Variants in FBLN1 observed in about 807,000 individuals in gnomAD.
FBLN1 encodes the protein fibulin-1.
FBLN1 carries 34 observed loss-of-function variants against 89.7 expected under a neutral mutation model. The observed-to-expected ratio is 0.38, with a 90% CI of 0.29 to 0.50. The LOEUF (loss-of-function observed/expected upper bound fraction) is 0.50, where lower values mean the gene tolerates loss of function less well. Among genes scored for constraint, FBLN1 ranks in the 20% least tolerant of loss-of-function variants. FBLN1 has a pLI of 0.92. For missense variants in FBLN1, 777 were observed against 988.1 expected (o/e 0.79, Z 2.86); for synonymous variants, 393 against 391.3 (o/e 1.00, Z -0.05).
chr22:45,550,062 A>C lies in FBLN1; in HGVS notation c.1574-430A>C, dbSNP rs1341765632. 1.3e-5 allele frequency among the ~76,000 whole-genome samples: 2 copies of C among 152,166 alleles called. No individual in the cohort carries two copies. The highest frequency in any genetic ancestry group is 2.4e-5 in the African/African-American group (1 of 41,426). On this transcript the variant is annotated intron_variant, in intron 13 of 16. Coordinates refer to ENST00000327858, the MANE Select transcript of FBLN1 (RefSeq NM_006486.3). The surrounding 1 kb of genome is among the most constrained non-coding windows in gnomAD (Gnocchi z 8.4). ...TAGTTAGTGTATGGACTCTGATGCC[A>C]GCCTGCCCGGGTTCAAAGCTCAGCT...
intron 14 of FBLN1, among the ~76,000 whole-genome samples, chr22:45,559,903 C>A (rs1284732939): frequency 6.6e-6 from 1 of 152,216 alleles, no homozygotes; most frequent in African/African-American, 2.4e-5. Flanking sequence ...GCCTCCCCTT[C>A]ATTCAAGGGG....
chr22:45,577,149 C>T lies in FBLN1; in HGVS notation c.1972+41C>T, dbSNP rs1375105020. ...TATCAGCTCTATCCAGGCACCCCTC[C>T]CCCTCCACCCCGAAACCCTCTCTGG... On this transcript the variant is annotated intron_variant, in intron 16 of 16. Coordinates refer to ENST00000327858, the MANE Select transcript of FBLN1 (RefSeq NM_006486.3). This position sits in a 1 kb window ranked among gnomAD's most constrained non-coding sequence, Gnocchi z 6.6. 6.2e-7 allele frequency: 1 copy of T among 1,610,372 alleles called. No individual in the cohort carries two copies. The highest frequency in any genetic ancestry group is 1.1e-5 in the South Asian group (1 of 90,974).
At position 45,583,974 on chromosome 22, in the gene FBLN1, A is replaced by G. The variant is rs2089063766; in HGVS notation, c.1972+6866A>G. Reference sequence around the variant, plus strand: ...GGTCACTTCTGCATAGGCCTGCACTATCGATGTAGGTGTGAGGGTCTTTGG... The same window carrying G: ...GGTCACTTCTGCATAGGCCTGCACTGTCGATGTAGGTGTGAGGGTCTTTGG... On this transcript the variant is annotated intron_variant, in intron 16 of 16. Transcript: ENST00000327858. This position sits in a 1 kb window ranked among gnomAD's most constrained non-coding sequence, Gnocchi z 4.5. Among the ~76,000 whole-genome samples, 1 of 152,112 alleles carries G rather than the reference A, an allele frequency of 6.6e-6. No individual in the cohort carries two copies. Among genetic ancestry groups the G allele is most frequent in the Non-Finnish European group, 1.5e-5 (1 of 68,020 alleles).
intron 16 of FBLN1, among the ~76,000 whole-genome samples, chr22:45,591,714 C>G (rs2089137811): frequency 6.6e-6 from 1 of 152,204 alleles, no homozygotes; most frequent in Admixed American, 6.5e-5. Flanking sequence ...GCGATTCTCT[C>G]TAATTGCTTT....
At chr22:45,506,386 T>G (rs535590799) in intron 1 of FBLN1, among the ~76,000 whole-genome samples, 1 of 152,354 alleles carries the variant, frequency 6.6e-6, no homozygotes, top group South Asian at 2.1e-4. Flanking sequence ...CATTCAGTCA[T>G]TCATTCACTA....
In FBLN1 at chr22:45,555,248, C is replaced by CATATATATATATATATATATATATAT. The variant is rs71779159; in HGVS notation, c.1697+4650_1697+4651insTATATATATATATATATATATATATA. The stretch of plus-strand genomic sequence containing the variant: ...AGAGGGACAGAACTAATGGAATATA[C>CATATATATATATATATATATATATAT]ATATATATATATATATAAAATGGAA... On this transcript the variant is annotated intron_variant, in intron 14 of 16. Coordinates refer to ENST00000327858, the MANE Select transcript of FBLN1 (RefSeq NM_006486.3). Among the ~76,000 whole-genome samples, 279 of 134,994 alleles carry CATATATATATATATATATATATATAT rather than the reference C, an allele frequency of 2.1e-3. 2 individuals carry two copies. The highest frequency in any genetic ancestry group is 3.0e-3 in the Non-Finnish European group (200 of 65,684). 88.6% of individuals were successfully genotyped at this position (134,994 alleles called of 152,430 possible).
Position 45,575,913 on chromosome 22 carries a change from G to A in FBLN1, c.1841-1064G>A, listed in dbSNP as rs942413369. ...ATGAGTTCATTCAGCAGCCGTGGACGGAGCCCCTCTGTGTCAGGCTCTAGG... is the reference window on the plus strand; with the variant it reads ...ATGAGTTCATTCAGCAGCCGTGGACAGAGCCCCTCTGTGTCAGGCTCTAGG... On this transcript the variant is annotated intron_variant, in intron 15 of 16. Transcript: ENST00000327858. The surrounding 1 kb of genome is among the most constrained non-coding windows in gnomAD (Gnocchi z 6.3). Among the ~76,000 whole-genome samples the A allele has an allele frequency of 6.6e-6, 1 of 152,172 alleles. No individual in the cohort carries two copies. Among genetic ancestry groups the A allele is most frequent in the Non-Finnish European group, 1.5e-5 (1 of 68,014 alleles).
At chr22:45,554,313 G>C (rs1169856396) in intron 14 of FBLN1, among the ~76,000 whole-genome samples, 1 of 152,180 alleles carries the variant, frequency 6.6e-6, no homozygotes, top group Non-Finnish European at 1.5e-5. Context: ...CTCCTCAGAG[G>C]CCCCCCTGGG....
intron 1 of FBLN1, among the ~76,000 whole-genome samples, chr22:45,514,934 C>G (rs1295655224): frequency 1.3e-5 from 2 of 152,220 alleles, no homozygotes; most frequent in Non-Finnish European, 2.9e-5. Flanking sequence ...CCAGTGTCCA[C>G]TGAGCCCTGT....
chr22:45,565,247 G>T (rs1022276840), intron 14 of FBLN1: 8 of 1,398,828 alleles, frequency 5.7e-6, no homozygotes, highest in Non-Finnish European at 5.7e-6. Context: ...TTCCATGGTT[G>T]TCTTTTCCCA....
rs566052021 is a variant in FBLN1, at chr22:45,577,344, A to T, written c.1972+236A>T. ...AGCTGTGCCACCCACTCTCTGGGTG[A>T]CCCCTCTGGGTCTCGGTCTCCCTGC... On this transcript the variant is annotated intron_variant, in intron 16 of 16. Coordinates refer to ENST00000327858, the MANE Select transcript of FBLN1 (RefSeq NM_006486.3). The surrounding 1 kb of genome is among the most constrained non-coding windows in gnomAD (Gnocchi z 6.6). 6.6e-6 allele frequency among the ~76,000 whole-genome samples: 1 copy of T among 152,064 alleles called. No homozygotes were observed. Among genetic ancestry groups the T allele is most frequent in the South Asian group, 2.1e-4 (1 of 4,796 alleles).
rs2089103484 is a variant in FBLN1, at chr22:45,588,032, CCT to C, written c.1972+10930_1972+10931del. Among the ~76,000 whole-genome samples the C allele has an allele frequency of 6.6e-6, 1 of 152,226 alleles. No individual in the cohort carries two copies. Among genetic ancestry groups the C allele is most frequent in the South Asian group, 2.1e-4 (1 of 4,830 alleles). ...GCAGTGACTAAGGCAGACATGAACG[CCT>C]CTCTCATACACTTTTTATCCCAGAG... On this transcript the variant is annotated intron_variant, in intron 16 of 16. Transcript: ENST00000327858. The surrounding 1 kb of genome is among the most constrained non-coding windows in gnomAD (Gnocchi z 5.1).
intron 14 of FBLN1, among the ~76,000 whole-genome samples, chr22:45,568,058 A>G (rs2088913890): frequency 6.6e-6 from 1 of 152,200 alleles, no homozygotes; most frequent in Non-Finnish European, 1.5e-5. Flanking sequence ...ACTGCTGGAA[A>G]TGGAACAGAA....
chr22:45,563,952 A>G lies in FBLN1; in HGVS notation c.1698-10559A>G, dbSNP rs2147014247. Among the ~76,000 whole-genome samples, 1 of 152,292 alleles carries G rather than the reference A, an allele frequency of 6.6e-6. No individual in the cohort carries two copies. The highest frequency in any genetic ancestry group is 3.4e-3 in the Middle Eastern group (1 of 294). ...GCCTCAGTGAAGTCGTTTTGCCCCC[A>G]CTGAGGATCCTGGCCCTGTGCCGGG... On this transcript the variant is annotated intron_variant, in intron 14 of 16. Coordinates refer to ENST00000327858, the MANE Select transcript of FBLN1 (RefSeq NM_006486.3). This position sits in a 1 kb window ranked among gnomAD's most constrained non-coding sequence, Gnocchi z 5.7.
In FBLN1 at chr22:45,532,697, G is replaced by T. The variant is rs2146968256; in HGVS notation, c.545-366G>T. 3.3e-5 allele frequency among the ~76,000 whole-genome samples: 5 copies of T among 152,212 alleles called. 1 individual carries two copies. The highest frequency in any genetic ancestry group is 3.3e-4 in the Admixed American group (5 of 15,306). ...AGCTCGAGAGTTCAGTGAGGAGCAG[G>T]TACATGAGGCCTAGTTGGGGCCTGG... On this transcript the variant is annotated intron_variant, in intron 5 of 16. Coordinates refer to ENST00000327858, the MANE Select transcript of FBLN1 (RefSeq NM_006486.3). This position sits in a 1 kb window ranked among gnomAD's most constrained non-coding sequence, Gnocchi z 4.2.
chr22:45,523,515 C>T (rs188328453), intron 2 of FBLN1, among the ~76,000 whole-genome samples: 2 of 152,276 alleles, frequency 1.3e-5, no homozygotes, highest in Admixed American at 6.5e-5. Context: ...CCATCCTGGC[C>T]AACATGGCAA....
chr22:45,543,624 T>C, intron 11 of FBLN1, 98 bp downstream of exon 11: 1 of 1,460,270 alleles, frequency 6.8e-7, no homozygotes, highest in Non-Finnish European at 9.3e-7. Context: ...CCGCGATGGT[T>C]TCCCTGTTAA....
chr22:45,508,047 C>G (rs1026161813), intron 1 of FBLN1, among the ~76,000 whole-genome samples: 3 of 152,114 alleles, frequency 2.0e-5, no homozygotes, highest in African/African-American at 7.2e-5. Flanking sequence ...GACTCGAGCA[C>G]CTTCCTGCCC....
Position 45,590,907 on chromosome 22 carries a change from A to G in FBLN1, c.1973-9400A>G, listed in dbSNP as rs952813501. On this transcript the variant is annotated intron_variant, in intron 16 of 16. Transcript: ENST00000327858. This position sits in a 1 kb window ranked among gnomAD's most constrained non-coding sequence, Gnocchi z 4.1. Reference sequence around the variant, plus strand: ...TCCATCTGGGAGGGGCGTCTGGAGAAATTGGAGTGGACTCCGAGTTTGGGT... The same window carrying G: ...TCCATCTGGGAGGGGCGTCTGGAGAGATTGGAGTGGACTCCGAGTTTGGGT... Among the ~76,000 whole-genome samples the G allele has an allele frequency of 6.6e-6, 1 of 151,904 alleles. No homozygotes were observed. The highest frequency in any genetic ancestry group is 2.4e-5 in the African/African-American group (1 of 41,322).
Sources: allele counts gnomAD v4.1 joint callset (sites outside exome capture counted in the v4.1 genomes callset), GRCh38; gene constraint gnomAD v4.1.1; non-coding constraint Gnocchi (gnomAD v3.1); transcripts MANE v1.5; gene names NCBI Gene and HGNC (gene_info 2026-07-23, HGNC 2026-07-21).